HMBOX1: variants seen among roughly 807,000 people sequenced by gnomAD.
The protein encoded by HMBOX1 is homeobox containing 1.
In HMBOX1, 14 loss-of-function variants were observed where a neutral mutation model predicts 54.5. That is an observed-to-expected ratio of 0.26 (90% CI 0.17 to 0.40). The LOEUF (loss-of-function observed/expected upper bound fraction) is 0.40, where lower values mean the gene tolerates loss of function less well. Ranked by LOEUF, HMBOX1 falls within the 10% of genes least tolerant of loss-of-function variation. HMBOX1 has a pLI of 1.00. For missense variants in HMBOX1, 332 were observed against 514.4 expected (o/e 0.65, Z 3.43); for synonymous variants, 160 against 181.0 (o/e 0.88, Z 0.93).
chr8:28,926,607 A>T (rs913958409), intron 1 of HMBOX1, among the ~76,000 whole-genome samples: 3 of 152,108 alleles, frequency 2.0e-5, no homozygotes, highest in African/African-American at 7.2e-5. Context: ...GCAAGGGTGC[A>T]GTATTGCCCT....
intron 5 of HMBOX1, among the ~76,000 whole-genome samples, chr8:29,011,855 TAGG>T (rs1383367567): frequency 1.3e-5 from 2 of 152,222 alleles, no homozygotes; most frequent in Non-Finnish European, 2.9e-5. Flanking sequence ...AGCTGATAAT[TAGG>T]AGCTGATTTC....
intron 1 of HMBOX1, among the ~76,000 whole-genome samples, chr8:28,892,507 C>A (rs942411898): frequency 3.3e-5 from 5 of 152,088 alleles, no homozygotes. Flanking sequence ...ATTTCTATTT[C>A]GACTGTTGAG....
intron 1 of HMBOX1, among the ~76,000 whole-genome samples, chr8:28,916,536 C>T (rs539017818): frequency 1.2e-4 from 18 of 152,268 alleles, no homozygotes; most frequent in African/African-American, 3.6e-4. Context: ...TAGATTTCCA[C>T]GTGTTCTAGC....
intron 1 of HMBOX1, among the ~76,000 whole-genome samples, chr8:28,904,636 T>C (rs1192375422): frequency 6.6e-6 from 1 of 152,166 alleles, no homozygotes; most frequent in Non-Finnish European, 1.5e-5. Flanking sequence ...TGAACCTTTT[T>C]TTGTGTGTGT....
chr8:28,994,184 G>T (rs1352071726), intron 4 of HMBOX1, among the ~76,000 whole-genome samples: 1 of 149,908 alleles, frequency 6.7e-6, no homozygotes, highest in Non-Finnish European at 1.5e-5. Context: ...AAAAAAAGGC[G>T]GGGGGATGGG....
At chr8:28,987,568 T>C (rs1359010900) in intron 4 of HMBOX1, among the ~76,000 whole-genome samples, 1 of 152,186 alleles carries the variant, frequency 6.6e-6, no homozygotes, top group Non-Finnish European at 1.5e-5. Flanking sequence ...TGCCATTGCT[T>C]GTAAATTCTA....
chr8:29,018,690 T>C (rs1289438276), intron 5 of HMBOX1, 70 bp from the exon 6 acceptor site: 25 of 1,453,598 alleles, frequency 1.7e-5, no homozygotes, highest in Non-Finnish European at 2.3e-5. Flanking sequence ...CCTAGTCCCA[T>C]AGGAAGTAGA....
At chr8:28,945,429 A>G (rs916064501) in intron 1 of HMBOX1, among the ~76,000 whole-genome samples, 1 of 152,246 alleles carries the variant, frequency 6.6e-6, no homozygotes, top group Non-Finnish European at 1.5e-5. Context: ...TTTTCATTTT[A>G]GGACGATTAC....
chr8:28,903,362 A>T (rs1380269232), intron 1 of HMBOX1, among the ~76,000 whole-genome samples: 2 of 152,106 alleles, frequency 1.3e-5, no homozygotes, highest in Non-Finnish European at 2.9e-5. Context: ...TTTAGTAGGA[A>T]CCTCTTGTTT....
At chr8:28,906,508 A>T (rs1814355898) in intron 1 of HMBOX1, among the ~76,000 whole-genome samples, 3 of 152,172 alleles carry the variant, frequency 2.0e-5, no homozygotes, top group Admixed American at 2.0e-4. Flanking sequence ...GTTTAATTTT[A>T]TGTCCATTTC....
intron 9 of HMBOX1, chr8:29,049,612 T>C (rs1011675760): frequency 7.9e-6 from 4 of 507,182 alleles, no homozygotes; most frequent in African/African-American, 1.9e-5. Context: ...CCTGCATGAC[T>C]CTTCACCTCG....
In HMBOX1 at chr8:29,051,073, T is replaced by A. The variant is rs1233459113; in HGVS notation, c.1181T>A (p.Met394Lys). ...GACCCCATCTCATTAGCTGTGGAAA[T>A]GGCAGCAGTCAACCACACTATCTTG... Reference protein sequence around the residue: ...HQDPISLAVEMAAVNHTILAL... With the variant: ...HQDPISLAVEKAAVNHTILAL... Residue 394 changes from methionine (M) to lysine (K), a missense_variant, in exon 10 of 10, where the codon ATG becomes AAG. Around this residue, in one of 4 missense-constraint regions of HMBOX1, gnomAD observed 69 missense variants for 104.6 expected, o/e 0.66. Transcript: ENST00000287701. 3 of 1,612,622 alleles carry A rather than the reference T, an allele frequency of 1.9e-6. No individual in the cohort carries two copies. The highest frequency in any genetic ancestry group is 2.5e-6 in the Non-Finnish European group (3 of 1,179,726).
intron 1 of HMBOX1, among the ~76,000 whole-genome samples, chr8:28,895,190 A>C (rs1298368550): frequency 6.6e-6 from 1 of 152,210 alleles, no homozygotes; most frequent in African/African-American, 2.4e-5. Flanking sequence ...TTATGTCCAG[A>C]GATGGTCCAC....
chr8:29,048,004 C>A (rs1023952021), intron 8 of HMBOX1, among the ~76,000 whole-genome samples: 2 of 152,006 alleles, frequency 1.3e-5, no homozygotes, highest in African/African-American at 4.8e-5. Context: ...TCTTAAAGTT[C>A]TAGAATATAG....
intron 6 of HMBOX1, among the ~76,000 whole-genome samples, chr8:29,039,305 A>G (rs1804460554): frequency 6.6e-6 from 1 of 152,222 alleles, no homozygotes; most frequent in South Asian, 2.1e-4. Context: ...TTCAAAATCA[A>G]AGTTATTAGA....
chr8:29,048,072 G>A (rs1307833603), intron 8 of HMBOX1, among the ~76,000 whole-genome samples: 1 of 152,104 alleles, frequency 6.6e-6, no homozygotes, highest in Admixed American at 6.5e-5. Flanking sequence ...AAAGATACTT[G>A]TAAGATCTTG....
At chr8:28,913,900 C>T (rs1229258171) in intron 1 of HMBOX1, among the ~76,000 whole-genome samples, 2 of 141,694 alleles carry the variant, frequency 1.4e-5, no homozygotes, top group Non-Finnish European at 1.5e-5. Context: ...GATGGAGTCT[C>T]ACTCTTGTCA....
chr8:28,914,822 G>T (rs1452883880), intron 1 of HMBOX1, among the ~76,000 whole-genome samples: 1 of 152,070 alleles, frequency 6.6e-6, no homozygotes, highest in East Asian at 1.9e-4. Context: ...ACCTATAATG[G>T]AAATGAAATG....
chr8:28,897,109 C>T (rs370540776), intron 1 of HMBOX1, among the ~76,000 whole-genome samples: 1 of 151,984 alleles, frequency 6.6e-6, no homozygotes, highest in East Asian at 1.9e-4. Context: ...CTCAGCCTTC[C>T]TGAGTAGCTG....
Sources: allele counts gnomAD v4.1 joint callset (sites outside exome capture counted in the v4.1 genomes callset), GRCh38; gene constraint gnomAD v4.1.1; regional missense constraint gnomAD v4.1.1; transcripts MANE v1.5; gene names NCBI Gene and HGNC (gene_info 2026-07-23, HGNC 2026-07-21).